The following NOL4L variants were observed in gnomAD, a reference collection of about 807,000 sequenced individuals.
NOL4L encodes nucleolar protein 4-like.
NOL4L carries 7 observed loss-of-function variants against 64.5 expected under a neutral mutation model. That is an observed-to-expected ratio of 0.11 (90% CI 0.06 to 0.20). The LOEUF (loss-of-function observed/expected upper bound fraction) is 0.20, where lower values mean the gene tolerates loss of function less well. NOL4L is among the 10% of genes least tolerant of loss of function. The pLI is 1.00. For synonymous variants in NOL4L, 413 were observed against 401.0 expected, an observed-to-expected ratio of 1.03 and a Z score of -0.36; for missense variants, 680 against 967.1, an observed-to-expected ratio of 0.70 and a Z score of 3.94.
intron 3 of NOL4L, among the ~76,000 whole-genome samples, chr20:32,515,363 G>C (rs1203822141): frequency 2.6e-5 from 4 of 152,158 alleles, no homozygotes; most frequent in Middle Eastern, 3.2e-3. Flanking sequence ...AGAGTTCTGT[G>C]GGGGAGGGAG....
chr20:32,488,793 TTC>T (rs2016250331), intron 4 of NOL4L, among the ~76,000 whole-genome samples: 3 of 26,892 alleles, frequency 1.1e-4, no homozygotes, highest in Non-Finnish European at 1.7e-4. Flanking sequence ...CTTCCTTCCT[TTC>T]TTTCTTTCTT....
chr20:32,483,916 G>A (rs912015045), intron 4 of NOL4L, among the ~76,000 whole-genome samples: 14 of 150,254 alleles, frequency 9.3e-5, no homozygotes, highest in Non-Finnish European at 1.5e-4. Context: ...CTTCGGTGGG[G>A]AGCGCGCTCT....
intron 1 of NOL4L, chr20:32,582,031 T>C (rs1366689329): frequency 6.6e-6 from 1 of 151,722 alleles, no homozygotes; most frequent in Non-Finnish European, 1.5e-5. Flanking sequence ...AAAAGGAAAA[T>C]GGAAATATAA....
chr20:32,522,896 T>A lies in NOL4L; in HGVS notation c.478-1974A>T, dbSNP rs1388817143. 2.6e-5 allele frequency among the ~76,000 whole-genome samples: 4 copies of A among 152,100 alleles called. No homozygotes were observed. In the East Asian group the frequency reaches 7.7e-4, roughly 29 times the overall value. ...GGAGAAGAGGGCCAGGTCCCTACCA[T>A]GAGGGCAGCCCTACTAAGCTACCCA... On this transcript the variant is annotated intron_variant, in intron 2 of 10. Transcript: ENST00000621426.
intron 4 of NOL4L, among the ~76,000 whole-genome samples, chr20:32,484,502 C>T (rs551252068): frequency 2.4e-4 from 37 of 152,170 alleles, no homozygotes; most frequent in African/African-American, 6.7e-4. Flanking sequence ...CCCCGCCCCC[C>T]GCGGGCACCC....
chr20:32,520,899 G>C lies in NOL4L; in HGVS notation c.501C>G (p.Leu167=), dbSNP rs1457266517. ...YRAIAETYAF[L]PREAVTRFLM... The stretch of plus-strand genomic sequence containing the variant: ...GGAACCGGGTCACGGCCTCTCTCGG[G>C]AGGAAGGCATAGGTCTCTGCGATCT... The change falls in exon 3 of 11, where the codon CTC becomes CTG. Residue 167 remains leucine (L), a synonymous_variant. Transcript: ENST00000621426. 1 of 1,550,514 alleles carries C rather than the reference G, an allele frequency of 6.4e-7. No homozygotes were observed. The highest frequency in any genetic ancestry group is 8.7e-7 in the Non-Finnish European group (1 of 1,146,894).
intron 1 of NOL4L, chr20:32,537,257 G>A: frequency 6.0e-6 from 2 of 331,844 alleles, no homozygotes; most frequent in Non-Finnish European, 8.6e-6. Context: ...CATTTGCCCA[G>A]GGTCACGCAG....
chr20:32,576,175 C>T (rs1176258843), intron 1 of NOL4L, among the ~76,000 whole-genome samples: 1 of 152,092 alleles, frequency 6.6e-6, no homozygotes, highest in East Asian at 1.9e-4. Context: ...GGGAGAGAAC[C>T]TGACTTGGGG....
rs746563290 is a variant in NOL4L, at chr20:32,486,708, G to A, written c.700-11966C>T. 16 of 470,810 alleles carry A rather than the reference G, an allele frequency of 3.4e-5. 1 individual carries two copies. The highest frequency in any genetic ancestry group is 7.1e-5 in the Admixed American group (3 of 42,510). The allele number at this position is 470,810 out of a possible 1,614,324, so 29.2% of individuals were successfully genotyped here. Reference sequence around the variant, plus strand: ...GAAGAAAATGTACCTGCAATGGGGCGATCTGGCAGACACTTCCCAATCAAG... The same window carrying A: ...GAAGAAAATGTACCTGCAATGGGGCAATCTGGCAGACACTTCCCAATCAAG... On this transcript the variant is annotated intron_variant, in intron 4 of 10. Transcript: ENST00000621426.
chr20:32,535,113 C>A (rs1348197286), intron 1 of NOL4L, among the ~76,000 whole-genome samples: 1 of 151,988 alleles, frequency 6.6e-6, no homozygotes, highest in African/African-American at 2.4e-5. Context: ...AAGACCATCA[C>A]CCAAACACCC....
intron 4 of NOL4L, among the ~76,000 whole-genome samples, chr20:32,505,819 C>T (rs769825478): frequency 3.3e-5 from 5 of 152,174 alleles, no homozygotes; most frequent in Non-Finnish European, 5.9e-5. Flanking sequence ...ATTCCACTGA[C>T]ATGAGGTGCC....
intron 1 of NOL4L, among the ~76,000 whole-genome samples, chr20:32,578,138 A>AGGAAGGAAGGAAGGAGGGAGGGAGAGAG (rs1211282817): frequency 2.0e-5 from 1 of 50,248 alleles, no homozygotes; most frequent in African/African-American, 1.2e-4. Context: ...GAAGGAAGGA[A>AGGAAGGAAGGAAGGAGGGAGGGAGAGAG]GGAGGGAGGG....
intron 1 of NOL4L, among the ~76,000 whole-genome samples, chr20:32,580,428 C>T (rs562000079): frequency 2.0e-5 from 3 of 152,298 alleles, no homozygotes; most frequent in South Asian, 2.1e-4. Context: ...GACCAGCGGC[C>T]GCAGGTGCCA....
intron 4 of NOL4L, among the ~76,000 whole-genome samples, chr20:32,485,144 G>T (rs936815474): frequency 7.0e-6 from 1 of 141,910 alleles, no homozygotes; most frequent in Non-Finnish European, 1.5e-5. Flanking sequence ...GGTCGCATCC[G>T]AAGAGGAAGG....
intron 5 of NOL4L, among the ~76,000 whole-genome samples, chr20:32,468,265 C>A (rs777872224): frequency 1.3e-5 from 2 of 152,214 alleles, no homozygotes; most frequent in African/African-American, 4.8e-5. Context: ...ATGCCAGACC[C>A]TCCCCAGATG....
chr20:32,474,634 G>A lies in NOL4L; in HGVS notation c.808C>T (p.Arg270Trp). 3.1e-6 allele frequency: 5 copies of A among 1,613,294 alleles called. No individual in the cohort carries two copies. Among genetic ancestry groups the A allele is most frequent in the Non-Finnish European group, 4.2e-6 (5 of 1,179,796 alleles). Residue 270 changes from arginine (R) to tryptophan (W), a missense_variant, in exon 5 of 11, where the codon CGG becomes TGG. Arg to Trp is a moderately radical substitution (Grantham distance 101, BLOSUM62 -3). This residue lies in a region of NOL4L where 254 missense variants were observed against 238.7 expected (regional missense o/e 1.06). Coordinates refer to ENST00000621426, the MANE Select transcript of NOL4L (RefSeq NM_001256798.2). Reference sequence around the variant, plus strand: ...TGACTGTGGAGGTTCTGCGGGCTCCGCATCCTCTCGTCCTGGCTGGGGCTC... The same window carrying A: ...TGACTGTGGAGGTTCTGCGGGCTCCACATCCTCTCGTCCTGGCTGGGGCTC... Reference protein sequence around the residue: ...SLSPSQDERMRSPQNLHSQED... With the variant: ...SLSPSQDERMWSPQNLHSQED...
In NOL4L at chr20:32,447,162, A is replaced by ATAAAT. The variant is rs2012369052; in HGVS notation, c.*429_*433dup. On this transcript the variant is annotated 3_prime_UTR_variant, in exon 11 of 11. Coordinates refer to ENST00000621426, the MANE Select transcript of NOL4L (RefSeq NM_001256798.2). ...CACAAAAGAATCCATTTTCAGAAAA[A>ATAAAT]TAAATTACTAAGGGGAGAGGAAGAA... 3 of 447,668 alleles carry ATAAAT rather than the reference A, an allele frequency of 6.7e-6. No homozygotes were observed. The highest frequency in any genetic ancestry group is 1.3e-5 in the Non-Finnish European group (3 of 224,744). The allele number at this position is 447,668 out of a possible 1,614,324, so 27.7% of individuals were successfully genotyped here. A position where few individuals can be genotyped will look rare whatever the true frequency, so the allele number is the denominator to read the frequency against.
At position 32,492,781 on chromosome 20, in the gene NOL4L, A is replaced by C. The variant is rs568142080; in HGVS notation, c.700-18039T>G. Among the ~76,000 whole-genome samples, 4 of 152,300 alleles carry C rather than the reference A, an allele frequency of 2.6e-5. No individual in the cohort carries two copies. The East Asian group carries it at 7.7e-4, about 29-fold the overall frequency. The stretch of plus-strand genomic sequence containing the variant: ...CACATGAAGACTAGGGGCTTCTGGG[A>C]GAAGATTAAGTGACTCACCCAGTCA... On this transcript the variant is annotated intron_variant, in intron 4 of 10. Transcript: ENST00000621426.
chr20:32,545,521 C>A (rs2145601262), intron 1 of NOL4L, among the ~76,000 whole-genome samples: 1 of 152,312 alleles, frequency 6.6e-6, no homozygotes, highest in East Asian at 1.9e-4. Context: ...GGCGACACAT[C>A]CATCCACTCA....
Sources: allele counts gnomAD v4.1 joint callset (sites outside exome capture counted in the v4.1 genomes callset), GRCh38; gene constraint gnomAD v4.1.1; regional missense constraint gnomAD v4.1.1; transcripts MANE v1.5; gene names NCBI Gene and HGNC (gene_info 2026-07-23, HGNC 2026-07-21).